Variants in LRP1B observed in about 807,000 individuals in gnomAD.
The protein encoded by LRP1B is LDL receptor related protein 1B.
A neutral mutation model predicts 556.6 loss-of-function variants in LRP1B; 217 were observed. The ratio of observed to expected loss-of-function variants is 0.39; its 90% CI spans 0.35 to 0.44. The LOEUF is 0.44. Among genes scored for constraint, LRP1B ranks in the 20% least tolerant of loss-of-function variants. LRP1B has a pLI of 1.00. For synonymous variants in LRP1B, 2,047 were observed against 1,865.8 expected (o/e 1.10, Z -2.50); for missense variants, 5,053 against 5,620.8 (o/e 0.90, Z 3.23).
intron 86 of LRP1B, among the ~76,000 whole-genome samples, chr2:140,262,313 A>T (rs1408066168): frequency 6.6e-6 from 1 of 152,208 alleles, no homozygotes; most frequent in Non-Finnish European, 1.5e-5. Flanking sequence ...GAAATAAAAA[A>T]GACCTAGTGC....
chr2:140,715,669 A>G (rs1474181777), intron 37 of LRP1B, among the ~76,000 whole-genome samples: 1 of 152,128 alleles, frequency 6.6e-6, no homozygotes, highest in African/African-American at 2.4e-5. Context: ...TACTAATTCA[A>G]TAAATAATTG....
At chr2:142,018,037 A>C (rs1395413538) in intron 1 of LRP1B, among the ~76,000 whole-genome samples, 3 of 150,992 alleles carry the variant, frequency 2.0e-5, no homozygotes, top group Non-Finnish European at 4.4e-5. Context: ...CATGCATTTC[A>C]ATTGTCTGTC....
chr2:141,807,583 G>T (rs913432007), intron 2 of LRP1B, among the ~76,000 whole-genome samples: 1 of 152,054 alleles, frequency 6.6e-6, no homozygotes. Flanking sequence ...CAACTGCCAA[G>T]AATATCTTGA....
chr2:141,072,481 A>G (rs1188540374), intron 7 of LRP1B, among the ~76,000 whole-genome samples: 1 of 151,958 alleles, frequency 6.6e-6, no homozygotes, highest in Non-Finnish European at 1.5e-5. Flanking sequence ...GTACACTGCC[A>G]CCACCACAGA....
chr2:140,350,543 A>G (rs1681909701), intron 77 of LRP1B, among the ~76,000 whole-genome samples: 1 of 152,078 alleles, frequency 6.6e-6, no homozygotes. Flanking sequence ...TGGAGATGTT[A>G]TATGTCATTC....
chr2:141,229,249 T>C lies in LRP1B; in HGVS notation c.784A>G (p.Ile262Val), dbSNP rs766495390. 1.2e-5 allele frequency: 20 copies of C among 1,611,916 alleles called. No individual in the cohort carries two copies. Among genetic ancestry groups the C allele is most frequent in the Non-Finnish European group, 1.7e-5 (20 of 1,178,200 alleles). The change falls in exon 6 of 91, where the codon ATC (isoleucine) becomes GTC (valine). Residue 262 changes from isoleucine to valine, a missense_variant. Transcript: ENST00000389484. ...AATCCTCCTGCTTTTGTTATCTGGA[T>C]ACATTTGAGTTGATTTGAAGATTCT... ...SRESSNQLKC[I>V]QITKAGGLTD...
At chr2:141,407,876 C>G (rs1690699199) in intron 3 of LRP1B, among the ~76,000 whole-genome samples, 1 of 152,076 alleles carries the variant, frequency 6.6e-6, no homozygotes, top group Non-Finnish European at 1.5e-5. Flanking sequence ...TCCAGAGAAA[C>G]TTTATATTAC....
intron 83 of LRP1B, among the ~76,000 whole-genome samples, chr2:140,308,987 A>C (rs952987984): frequency 7.9e-5 from 12 of 151,728 alleles, no homozygotes; most frequent in Non-Finnish European, 1.6e-4. Flanking sequence ...CCCTAAGACT[A>C]CTGTCCTTTG....
intron 3 of LRP1B, chr2:141,286,851 C>T (rs1685742096): frequency 3.0e-6 from 1 of 334,368 alleles, no homozygotes; most frequent in African/African-American, 2.1e-5. Flanking sequence ...ATTGAACTTT[C>T]TGTAATAATG....
At chr2:140,253,928 T>A (rs1681563422) in intron 86 of LRP1B, among the ~76,000 whole-genome samples, 1 of 152,078 alleles carries the variant, frequency 6.6e-6, no homozygotes, top group South Asian at 2.1e-4. Flanking sequence ...GCTCCCAAGA[T>A]GAAGGCCAGT....
chr2:140,709,018 T>C (rs1245979085), intron 37 of LRP1B, among the ~76,000 whole-genome samples: 1 of 152,048 alleles, frequency 6.6e-6, no homozygotes, highest in Non-Finnish European at 1.5e-5. Flanking sequence ...TAACAGGTGT[T>C]AAACTGTCAA....
chr2:141,484,614 T>G (rs1278627365), intron 2 of LRP1B, among the ~76,000 whole-genome samples: 2 of 152,158 alleles, frequency 1.3e-5, no homozygotes, highest in Non-Finnish European at 2.9e-5. Flanking sequence ...GTTCTTCCAT[T>G]TGTTTGTATC....
chr2:141,070,648 C>T (rs981485378), intron 7 of LRP1B, among the ~76,000 whole-genome samples: 19 of 151,766 alleles, frequency 1.3e-4, no homozygotes, highest in East Asian at 3.9e-4. Flanking sequence ...ATCAAATAGA[C>T]GCAATAAAAA....
At chr2:140,821,377 G>C (rs924877167) in intron 31 of LRP1B, among the ~76,000 whole-genome samples, 12 of 152,108 alleles carry the variant, frequency 7.9e-5, no homozygotes, top group African/African-American at 2.9e-4. Flanking sequence ...CACCTCCTCC[G>C]GCTTCTTTGT....
At chr2:142,115,651 ATTATATGTAATAT>A (rs1707206627) in intron 1 of LRP1B, among the ~76,000 whole-genome samples, 4 of 9,044 alleles carry the variant, frequency 4.4e-4, no homozygotes, top group Non-Finnish European at 7.1e-4. Flanking sequence ...TAATATATAT[ATTATATGTAATAT>A]ATATATGTAA....
intron 60 of LRP1B, among the ~76,000 whole-genome samples, chr2:140,474,520 A>T (rs1687890422): frequency 6.6e-6 from 1 of 151,872 alleles, no homozygotes; most frequent in African/African-American, 2.4e-5. Flanking sequence ...AAATTCATTT[A>T]TTTGTTCAGG....
intron 18 of LRP1B, among the ~76,000 whole-genome samples, chr2:140,953,506 G>A (rs974685244): frequency 2.6e-5 from 4 of 152,086 alleles, no homozygotes; most frequent in South Asian, 2.1e-4. Context: ...GGAAGACAAC[G>A]CAGAGAATAT....
Position 140,302,743 on chromosome 2 carries a change from C to T in LRP1B, c.12806-4774G>A, listed in dbSNP as rs933563195. On this transcript the variant is annotated intron_variant, in intron 83 of 90. Coordinates refer to ENST00000389484, the MANE Select transcript of LRP1B (RefSeq NM_018557.3). ...CTCTTTCTTGATCTGGGACATCCAT[C>T]TTCTCCTGGCTGAGGACATCAGAGC... 3.0e-4 allele frequency among the ~76,000 whole-genome samples: 46 copies of T among 152,058 alleles called. 1 individual carries two copies. The highest frequency in any genetic ancestry group is 1.5e-5 in the Non-Finnish European group (1 of 68,012).
intron 17 of LRP1B, among the ~76,000 whole-genome samples, chr2:140,983,522 G>T (rs1696834061): frequency 6.6e-6 from 1 of 152,036 alleles, no homozygotes; most frequent in Admixed American, 6.6e-5. Flanking sequence ...ACTAAAATGG[G>T]TTCCATGAAT....
Sources: gnomAD v4.1 joint callset for allele counts (sites outside exome capture counted in the v4.1 genomes callset) on GRCh38, gnomAD v4.1.1 for gene constraint, MANE v1.5 for transcripts, NCBI Gene and HGNC (gene_info 2026-07-23, HGNC 2026-07-21) for gene names.